PPRC1: variants seen among roughly 807,000 people sequenced by gnomAD.
PPRC1 encodes the protein PPARG related coactivator 1, also known as peroxisome proliferator-activated receptor gamma coactivator-related protein 1.
In PPRC1, 23 loss-of-function variants were observed where a neutral mutation model predicts 132.5. The observed-to-expected ratio is 0.17, with a 90% CI of 0.12 to 0.25. The LOEUF (loss-of-function observed/expected upper bound fraction) is 0.25, where lower values mean the gene tolerates loss of function less well. PPRC1 is among the 10% of genes least tolerant of loss of function. PPRC1 has a pLI of 1.00. For synonymous variants in PPRC1, 872 were observed against 833.5 expected (o/e 1.05, Z -0.80); for missense variants, 2,006 against 2,089.1 (o/e 0.96, Z 0.78).
the PPRC1 span, chr10:102,120,339 T>C: frequency 1.4e-5 from 14 of 984,040 alleles, no homozygotes; most frequent in Non-Finnish European, 1.7e-5. Context: ...TCTGCGTGTG[T>C]GCGCGCGGGT....
chr10:102,135,180 G>A (rs2068675999), intron 1 of PPRC1, among the ~76,000 whole-genome samples: 1 of 152,148 alleles, frequency 6.6e-6, no homozygotes, highest in African/African-American at 2.4e-5. Context: ...CAGAGTCTGA[G>A]ACGGGACATT....
chr10:102,150,090 C>G lies in PPRC1; in HGVS notation c.*61C>G. 1 of 1,266,766 alleles carries G rather than the reference C, an allele frequency of 7.9e-7. No individual in the cohort carries two copies. The highest frequency in any genetic ancestry group is 1.7e-5 in the Admixed American group (1 of 59,090). The allele number at this position is 1,266,766 out of a possible 1,614,324, so 78.5% of individuals were successfully genotyped here. A position where few individuals can be genotyped will look rare whatever the true frequency, so the allele number is the denominator to read the frequency against. ...GGAGGTGCCCAACCTCCTCCACCCCCTTCCCCTACTCTAGGGGAGAGAGCT... is the reference window on the plus strand; with the variant it reads ...GGAGGTGCCCAACCTCCTCCACCCCGTTCCCCTACTCTAGGGGAGAGAGCT... On this transcript the variant is annotated 3_prime_UTR_variant, in exon 14 of 14. Coordinates refer to ENST00000278070, the MANE Select transcript of PPRC1 (RefSeq NM_015062.5).
intron 8 of PPRC1, among the ~76,000 whole-genome samples, chr10:102,145,501 G>A (rs1250884116): frequency 6.6e-6 from 1 of 151,604 alleles, no homozygotes; most frequent in East Asian, 1.9e-4. Flanking sequence ...AATCCAGGAG[G>A]TGGAGGTTGC....
At chr10:102,126,856 A>G in the PPRC1 span, among the ~76,000 whole-genome samples, 1 of 151,612 alleles carries the variant, frequency 6.6e-6, no homozygotes. Context: ...TCCATTTGCT[A>G]TCATCATCAA....
intron 1 of PPRC1, among the ~76,000 whole-genome samples, chr10:102,133,437 G>A (rs921910012): frequency 6.6e-6 from 1 of 152,090 alleles, no homozygotes; most frequent in Non-Finnish European, 1.5e-5. Context: ...CGGAGGGGGA[G>A]AGCGGGGTGT....
chr10:102,122,477 T>G, the PPRC1 span, among the ~76,000 whole-genome samples: 3 of 151,594 alleles, frequency 2.0e-5, no homozygotes, highest in Non-Finnish European at 2.9e-5. Context: ...TTTTTTTTTT[T>G]TTTTAAGATT....
In PPRC1 at chr10:102,141,936, T is replaced by C. The variant is rs2069002069; in HGVS notation, c.3428T>C (p.Leu1143Pro). ...GTCCACCCAGCCCGTCTAAGGAAGCTGTCCTTCCTGCCTACCCCACGTACT... is the reference window on the plus strand; with the variant it reads ...GTCCACCCAGCCCGTCTAAGGAAGCCGTCCTTCCTGCCTACCCCACGTACT... ...PAVHPARLRK[L>P]SFLPTPRTQG... The change falls in exon 5 of 14, where the codon CTG (leucine) becomes CCG (proline). Residue 1143 changes from leucine to proline, a missense_variant. Coordinates refer to ENST00000278070, the MANE Select transcript of PPRC1 (RefSeq NM_015062.5). 3 of 1,614,144 alleles carry C rather than the reference T, an allele frequency of 1.9e-6. No homozygotes were observed. The South Asian group carries it at 3.3e-5, about 18-fold the overall frequency.
intron 8 of PPRC1, 48 bp downstream of exon 8, chr10:102,145,138 C>T (rs1353255616): frequency 6.6e-7 from 1 of 1,519,830 alleles, no homozygotes; most frequent in South Asian, 1.1e-5. Context: ...TATGCAGCAA[C>T]ACTTGCTGAG....
At position 102,139,423 on chromosome 10, in the gene PPRC1, G is replaced by A. The variant is rs780968933; in HGVS notation, c.915G>A (p.Leu305=). Residue 305 remains leucine (L), a synonymous_variant, in exon 5 of 14, where the codon CTG becomes CTA. Coordinates refer to ENST00000278070, the MANE Select transcript of PPRC1 (RefSeq NM_015062.5). ...PAAGDESISS[L]SELVRAMHPY... ...CTGGTGATGAGAGCATCTCCTCCCT[G>A]AGTGAGCTGGTGCGGGCCATGCACC... 6.2e-7 allele frequency: 1 copy of A among 1,614,238 alleles called. No homozygotes were observed. The highest frequency in any genetic ancestry group is 8.5e-7 in the Non-Finnish European group (1 of 1,180,054).
Position 102,141,306 on chromosome 10 carries a change from G to C in PPRC1, c.2798G>C (p.Gly933Ala). 6.2e-7 allele frequency: 1 copy of C among 1,613,876 alleles called. No homozygotes were observed. Among genetic ancestry groups the C allele is most frequent in the Non-Finnish European group, 8.5e-7 (1 of 1,179,904 alleles). Reference sequence around the variant, plus strand: ...TGTTATCCTCATGTGTCCCCTTCTGGCTATCCTTGCCTGCCCCCCCCACCA... The same window carrying C: ...TGTTATCCTCATGTGTCCCCTTCTGCCTATCCTTGCCTGCCCCCCCCACCA... ...WPCYPHVSPSGYPCLPPPPTV... is the reference protein window; with the variant it reads ...WPCYPHVSPSAYPCLPPPPTV... Residue 933 changes from glycine to alanine, a missense_variant, in exon 5 of 14, where the codon GGC (glycine) becomes GCC (alanine). This residue lies in a region of PPRC1 where 1,914 missense variants were observed against 1,917.2 expected (regional missense o/e 1.00). Transcript: ENST00000278070.
chr10:102,147,559 C>T (rs1244740472), intron 9 of PPRC1, among the ~76,000 whole-genome samples, 167 bp downstream of exon 9: 1 of 152,208 alleles, frequency 6.6e-6, no homozygotes, highest in African/African-American at 2.4e-5. Flanking sequence ...TTGAAGGAGG[C>T]AAGCTGTGAG....
chr10:102,128,766 C>G (rs890708913), upstream of PPRC1, among the ~76,000 whole-genome samples: 1 of 151,246 alleles, frequency 6.6e-6, no homozygotes, highest in Non-Finnish European at 1.5e-5. Context: ...AGGCACCCAC[C>G]ACCATGCCGG....
chr10:102,140,922 C>T lies in PPRC1; in HGVS notation c.2414C>T (p.Thr805Ile), dbSNP rs763999599. Residue 805 changes from threonine to isoleucine, a missense_variant, in exon 5 of 14, where the codon ACA becomes ATA. This residue lies in a region of PPRC1 where 1,914 missense variants were observed against 1,917.2 expected (regional missense o/e 1.00). Transcript: ENST00000278070. ...ATCCCACCAGCCCCAGCCAAGAAGA[C>T]AGCTCTGCAGAGAAGCCCTGAAACA... The part of the protein sequence containing the change: ...LVIPPAPAKK[T>I]ALQRSPETPL... 2.5e-6 allele frequency: 4 copies of T among 1,614,004 alleles called. No individual in the cohort carries two copies. The highest frequency in any genetic ancestry group is 3.4e-6 in the Non-Finnish European group (4 of 1,179,988).
At chr10:102,146,576 A>T (rs777393780) in intron 8 of PPRC1, 96 bp from the exon 9 acceptor site, 14 of 1,461,250 alleles carry the variant, frequency 9.6e-6, no homozygotes, top group Admixed American at 9.1e-5. Context: ...GTACTTTGTG[A>T]GATGAGGTGG....
At chr10:102,129,493 G>A (rs1319558037), upstream of PPRC1, among the ~76,000 whole-genome samples, 12 of 152,182 alleles carry the variant, frequency 7.9e-5, no homozygotes, top group Non-Finnish European at 1.5e-4. Flanking sequence ...TGTTTCTTCA[G>A]ATGCTGAATA....
the PPRC1 span, among the ~76,000 whole-genome samples, chr10:102,126,811 G>A: frequency 1.3e-5 from 2 of 151,532 alleles, no homozygotes; most frequent in African/African-American, 4.9e-5. Context: ...TTTATAGATC[G>A]TCCCTTGCCC....
intron 6 of PPRC1, 60 bp from the exon 7 acceptor site, chr10:102,144,190 C>T: frequency 1.9e-6 from 3 of 1,548,756 alleles, no homozygotes; most frequent in South Asian, 2.2e-5. Flanking sequence ...GCAAGCCCTT[C>T]TGTGCCGCCT....
the PPRC1 span, among the ~76,000 whole-genome samples, chr10:102,122,462 CTTTTTT>C: frequency 6.0e-5 from 8 of 133,574 alleles, no homozygotes; most frequent in African/African-American, 2.2e-4. Flanking sequence ...TCTTTCTGCC[CTTTTTT>C]TTTTTTTTTT....
At chr10:102,128,761 C>A (rs1050519180), upstream of PPRC1, among the ~76,000 whole-genome samples, 1 of 150,780 alleles carries the variant, frequency 6.6e-6, no homozygotes, top group Non-Finnish European at 1.5e-5. Context: ...ACTACAGGCA[C>A]CCACCACCAT....
Sources: gnomAD v4.1 joint callset for allele counts (sites outside exome capture counted in the v4.1 genomes callset) on GRCh38, gnomAD v4.1.1 for gene constraint, gnomAD v4.1.1 regional missense constraint, MANE v1.5 for transcripts, NCBI Gene and HGNC (gene_info 2026-07-23, HGNC 2026-07-21) for gene names.